Variants in AOPEP observed in about 807,000 individuals in gnomAD.
AOPEP encodes aminopeptidase O (putative).
A neutral mutation model predicts 98.1 loss-of-function variants in AOPEP; 77 were observed. The ratio of observed to expected loss-of-function variants is 0.78; its 90% CI spans 0.65 to 0.95. AOPEP has a LOEUF of 0.95. Ranked by LOEUF, AOPEP falls within the 40% of genes least tolerant of loss-of-function variation. The pLI is 0.00. For missense variants in AOPEP, 1,024 were observed against 1,024.7 expected, an observed-to-expected ratio of 1.00 and a Z score of 0.01; for synonymous variants, 346 against 365.3, an observed-to-expected ratio of 0.95 and a Z score of 0.60.
chr9:94,981,208 C>T (rs1389409208), intron 11 of AOPEP, among the ~76,000 whole-genome samples: 1 of 152,222 alleles, frequency 6.6e-6, no homozygotes, highest in African/African-American at 2.4e-5. Context: ...GAGGCTTTAG[C>T]TGCCAGCAGG....
intron 5 of AOPEP, among the ~76,000 whole-genome samples, chr9:94,877,602 G>T (rs1234470607): frequency 6.6e-6 from 1 of 151,982 alleles, no homozygotes; most frequent in Non-Finnish European, 1.5e-5. Context: ...TGTATTTTTA[G>T]TAGAGACAGG....
At chr9:95,012,653 G>A (rs2062621469) in intron 13 of AOPEP, among the ~76,000 whole-genome samples, 1 of 152,024 alleles carries the variant, frequency 6.6e-6, no homozygotes. Context: ...TCTTGTATTG[G>A]AGGAGGCTGA....
At chr9:95,042,774 G>A (rs1303044578) in intron 13 of AOPEP, among the ~76,000 whole-genome samples, 1 of 152,148 alleles carries the variant, frequency 6.6e-6, no homozygotes, top group Non-Finnish European at 1.5e-5. Context: ...GGACACTTAT[G>A]CTTACGTTGA....
chr9:95,117,477 A>G, the AOPEP span: 3 of 1,027,878 alleles, frequency 2.9e-6, no homozygotes, highest in South Asian at 2.7e-5. Context: ...CCTCTGCCCA[A>G]AAAAGACCCA....
chr9:94,868,756 C>T (rs1313560132), intron 5 of AOPEP, among the ~76,000 whole-genome samples: 1 of 152,212 alleles, frequency 6.6e-6, no homozygotes, highest in Non-Finnish European at 1.5e-5. Flanking sequence ...TCCCTGATTT[C>T]ATTCCTTTCC....
the AOPEP span, chr9:95,114,151 A>G: frequency 5.1e-6 from 1 of 194,572 alleles, no homozygotes. Context: ...CATTTTAGAG[A>G]GATTTATTAG....
intron 5 of AOPEP, among the ~76,000 whole-genome samples, chr9:94,922,204 CACACTGGG>C (rs1335448501): frequency 6.6e-6 from 1 of 152,190 alleles, no homozygotes; most frequent in Non-Finnish European, 1.5e-5. Flanking sequence ...GTGAGGCTTC[CACACTGGG>C]ACAGAAGAGC....
At chr9:94,952,630 A>T (rs914985889) in intron 7 of AOPEP, among the ~76,000 whole-genome samples, 4 of 152,182 alleles carry the variant, frequency 2.6e-5, no homozygotes, top group African/African-American at 7.2e-5. Context: ...TTGTCTCTCT[A>T]CGCAGACCTG....
chr9:95,150,146 T>C, the AOPEP span: 4 of 1,586,220 alleles, frequency 2.5e-6, no homozygotes, highest in Non-Finnish European at 3.5e-6. Flanking sequence ...ATTAAGGACA[T>C]ATAAAAACCT....
chr9:94,962,695 A>G (rs2058925782), intron 9 of AOPEP, among the ~76,000 whole-genome samples: 1 of 151,240 alleles, frequency 6.6e-6, no homozygotes, highest in African/African-American at 2.4e-5. Context: ...TTCCCTTCCA[A>G]ATGCCCTCCC....
intron 11 of AOPEP, among the ~76,000 whole-genome samples, chr9:95,003,647 TTATATA>T (rs923081985): frequency 6.6e-6 from 1 of 152,238 alleles, no homozygotes; most frequent in East Asian, 1.9e-4. Flanking sequence ...CATTAACTAT[TTATATA>T]TATTTCCTTT....
At chr9:94,914,567 CA>C (rs1222967173) in intron 5 of AOPEP, among the ~76,000 whole-genome samples, 5 of 84,188 alleles carry the variant, frequency 5.9e-5, no homozygotes, top group African/African-American at 2.0e-4. Context: ...TGTGTATGTA[CA>C]GGATAAATAT....
chr9:94,880,579 C>T (rs2047463394), intron 5 of AOPEP, among the ~76,000 whole-genome samples: 1 of 152,120 alleles, frequency 6.6e-6, no homozygotes, highest in Non-Finnish European at 1.5e-5. Context: ...TGGTTTTGAA[C>T]TTCTGGGCTC....
chr9:95,048,063 G>A (rs1208026396), intron 13 of AOPEP, among the ~76,000 whole-genome samples: 2 of 151,690 alleles, frequency 1.3e-5, no homozygotes, highest in East Asian at 1.9e-4. Context: ...CCACCAGGTG[G>A]TCCAGGAACA....
intron 5 of AOPEP, among the ~76,000 whole-genome samples, chr9:94,889,726 G>T (rs576541626): frequency 6.6e-6 from 1 of 152,286 alleles, no homozygotes; most frequent in South Asian, 2.1e-4. Flanking sequence ...TCAATTGTGG[G>T]TCATATGGTA....
At chr9:94,770,956 C>A (rs1461726674) in intron 2 of AOPEP, among the ~76,000 whole-genome samples, 1 of 152,206 alleles carries the variant, frequency 6.6e-6, no homozygotes, top group Non-Finnish European at 1.5e-5. Flanking sequence ...GTCTTCCTTT[C>A]CTTCTCCCTC....
the AOPEP span, among the ~76,000 whole-genome samples, chr9:95,108,528 T>C: frequency 6.6e-6 from 1 of 152,258 alleles, no homozygotes; most frequent in African/African-American, 2.4e-5. Context: ...CCAGACTGTC[T>C]TTCCCTTCAG....
the AOPEP span, among the ~76,000 whole-genome samples, chr9:95,107,823 C>T: frequency 2.0e-5 from 3 of 152,100 alleles, no homozygotes; most frequent in East Asian, 5.8e-4. Context: ...TTTTAGATGC[C>T]GGAACAATCT....
At chr9:95,063,924 A>T (rs1478394239) in intron 14 of AOPEP, among the ~76,000 whole-genome samples, 3 of 152,136 alleles carry the variant, frequency 2.0e-5, no homozygotes, top group African/African-American at 7.2e-5. Flanking sequence ...TTTCAAAAAA[A>T]AAAAAAATCT....
Sources: allele counts gnomAD v4.1 joint callset (sites outside exome capture counted in the v4.1 genomes callset), GRCh38; gene constraint gnomAD v4.1.1; transcripts MANE v1.5; gene names NCBI Gene and HGNC (gene_info 2026-07-23, HGNC 2026-07-21).